Variants in USP40 observed in about 807,000 individuals in gnomAD.
The protein encoded by USP40 is ubiquitin carboxyl-terminal hydrolase 40.
A neutral mutation model predicts 166.2 loss-of-function variants in USP40; 143 were observed. The ratio of observed to expected loss-of-function variants is 0.86; its 90% CI spans 0.75 to 0.99. The LOEUF is 0.99. Ranked by LOEUF, USP40 falls within the 50% of genes least tolerant of loss-of-function variation. The pLI, the probability that USP40 is intolerant of heterozygous loss-of-function variation, is 0.00. For missense variants in USP40, 1,444 were observed against 1,479.7 expected (o/e 0.98, Z 0.40); for synonymous variants, 498 against 524.0 (o/e 0.95, Z 0.68).
At chr2:233,518,971 C>T (rs1365251384) in intron 18 of USP40, among the ~76,000 whole-genome samples, 2 of 152,130 alleles carry the variant, frequency 1.3e-5, no homozygotes, top group Non-Finnish European at 2.9e-5. Flanking sequence ...AAATCATGGA[C>T]TAACCTCAAA....
At chr2:233,518,508 A>T (rs537442772) in intron 18 of USP40, among the ~76,000 whole-genome samples, 1 of 149,364 alleles carries the variant, frequency 6.7e-6, no homozygotes, top group African/African-American at 2.5e-5. Context: ...CGGAGGTTGC[A>T]GTGAGCGGAG....
intron 21 of USP40, among the ~76,000 whole-genome samples, chr2:233,509,430 G>C (rs1009565637): frequency 2.6e-5 from 4 of 152,068 alleles, no homozygotes; most frequent in African/African-American, 9.7e-5. Flanking sequence ...ATATTGGTAG[G>C]ATAAAGAATA....
intron 30 of USP40, chr2:233,481,754 C>T (rs1263620561): frequency 6.3e-6 from 1 of 158,654 alleles, no homozygotes; most frequent in Admixed American, 6.4e-5. Context: ...TCCTTGGCAT[C>T]TCCTGCAAGC....
At chr2:233,492,507 T>C (rs1291051504) in intron 25 of USP40, among the ~76,000 whole-genome samples, 1 of 152,226 alleles carries the variant, frequency 6.6e-6, no homozygotes, top group Non-Finnish European at 1.5e-5. Context: ...TCCAATTCTA[T>C]ATGTAACTAG....
intron 8 of USP40, chr2:233,546,062 T>G (rs1024438062): frequency 6.6e-6 from 1 of 152,158 alleles, no homozygotes; most frequent in Admixed American, 6.5e-5. Flanking sequence ...AAGCACAATA[T>G]TCTATTGTTC....
At chr2:233,481,988 C>T (rs911316046) in intron 30 of USP40, among the ~76,000 whole-genome samples, 32 of 152,170 alleles carry the variant, frequency 2.1e-4, no homozygotes, top group Admixed American at 6.5e-5. Context: ...TTGCCCAGGT[C>T]GCTGGCTGCA....
chr2:233,520,715 G>C (rs1324948872), intron 17 of USP40, among the ~76,000 whole-genome samples: 1 of 152,172 alleles, frequency 6.6e-6, no homozygotes, highest in Non-Finnish European at 1.5e-5. Flanking sequence ...ATTTCATTTT[G>C]TGGGAGCCAG....
chr2:233,496,025 T>C (rs896316317), intron 24 of USP40, among the ~76,000 whole-genome samples: 1 of 152,202 alleles, frequency 6.6e-6, no homozygotes, highest in Non-Finnish European at 1.5e-5. Context: ...ATGTGTAATG[T>C]TTTTCTTAGA....
At chr2:233,496,080 A>G (rs1397297672) in intron 24 of USP40, among the ~76,000 whole-genome samples, 1 of 152,274 alleles carries the variant, frequency 6.6e-6, no homozygotes. Flanking sequence ...CTCTCTGCAG[A>G]GAAAAGGTGT....
At chr2:233,477,540 G>GAGCTGCCTTCCC (rs756254656) in intron 31 of USP40, 37 bp from the exon 32 acceptor site, 9 of 1,567,956 alleles carry the variant, frequency 5.7e-6, no homozygotes, top group South Asian at 1.1e-5. Context: ...ACTCATGGAT[G>GAGCTGCCTTCCC]CAGTGGGTGT....
chr2:233,508,416 G>A (rs2066579314), intron 21 of USP40, among the ~76,000 whole-genome samples: 1 of 152,092 alleles, frequency 6.6e-6, no homozygotes, highest in African/African-American at 2.4e-5. Context: ...ATCTACATTT[G>A]GCTAATTGCA....
intron 20 of USP40, 141 bp from the exon 21 acceptor site, chr2:233,510,276 T>C (rs1394374870): frequency 6.3e-6 from 4 of 631,582 alleles, no homozygotes; most frequent in Non-Finnish European, 8.1e-6. Context: ...AATACGACTA[T>C]GATTAATGTT....
intron 18 of USP40, among the ~76,000 whole-genome samples, chr2:233,518,007 T>C (rs1235974315): frequency 7.4e-6 from 1 of 135,338 alleles, no homozygotes; most frequent in East Asian, 2.2e-4. Context: ...AATGATATAG[T>C]GGACTTTGGG....
In USP40 at chr2:233,485,880, TCC is replaced by T; in HGVS notation, c.3293_3294del (p.Gly1098AspfsTer21). 1 of 1,606,902 alleles carries T rather than the reference TCC, an allele frequency of 6.2e-7. No individual in the cohort carries two copies. Among genetic ancestry groups the T allele is most frequent in the Non-Finnish European group, 8.5e-7 (1 of 1,177,018 alleles). ...ACTCTCTGCCTCAGGGAGCCGGCAG[TCC>T]CACCCTGGGCCGCGTTCCACACCAG... Reference protein sequence around the residue: ...LDLVWNAAQGGTAGSLRQRVA... With the variant: ...LDLVWNAAQGXTAGSLRQRVA... On this transcript the variant is annotated frameshift_variant, in exon 29 of 32. Coordinates refer to ENST00000678225, the MANE Select transcript of USP40 (RefSeq NM_001365479.2). LOFTEE classifies it high-confidence loss of function.
At chr2:233,488,863 C>T (rs2065121319) in intron 27 of USP40, among the ~76,000 whole-genome samples, 2 of 151,902 alleles carry the variant, frequency 1.3e-5, no homozygotes, top group East Asian at 1.9e-4. Flanking sequence ...GCCATGATCA[C>T]GCCACTGCAC....
intron 7 of USP40, among the ~76,000 whole-genome samples, chr2:233,550,909 C>A (rs1363222400): frequency 6.6e-6 from 1 of 152,010 alleles, no homozygotes; most frequent in Non-Finnish European, 1.5e-5. Flanking sequence ...ATTAGTGGTA[C>A]CAATTAATGG....
chr2:233,566,094 C>CT (rs915400217), intron 1 of USP40, among the ~76,000 whole-genome samples: 1 of 140,458 alleles, frequency 7.1e-6, no homozygotes, highest in African/African-American at 2.6e-5. Flanking sequence ...ATCAAGTTAA[C>CT]TTTTTTTAGA....
chr2:233,554,316 T>C, intron 6 of USP40, 64 bp downstream of exon 6: 1 of 1,451,606 alleles, frequency 6.9e-7, no homozygotes, highest in Non-Finnish European at 9.1e-7. Context: ...GACTTTTTCA[T>C]ACAAGTTGAC....
chr2:233,540,901 T>C (rs2069347620), intron 9 of USP40, 132 bp from the exon 10 acceptor site: 3 of 458,168 alleles, frequency 6.5e-6, no homozygotes, highest in Admixed American at 8.2e-5. Flanking sequence ...GTTGATTCCA[T>C]CATAATTATT....
Sources: gnomAD v4.1 joint callset for allele counts (sites outside exome capture counted in the v4.1 genomes callset) on GRCh38, gnomAD v4.1.1 for gene constraint, MANE v1.5 for transcripts, NCBI Gene and HGNC (gene_info 2026-07-23, HGNC 2026-07-21) for gene names.